Variants in PNPLA4 observed in about 807,000 individuals in gnomAD.
PNPLA4 encodes the protein patatin like domain 4, phospholipase and triacylglycerol lipase, also known as patatin-like phospholipase domain-containing protein 4.
Under a neutral mutation model 18.3 loss-of-function variants are expected in PNPLA4, and 15 were observed. The observed-to-expected ratio is 0.82, with a 90% CI of 0.55 to 1.26. The LOEUF (loss-of-function observed/expected upper bound fraction) is 1.26. PNPLA4 is among the 50% of genes most tolerant of loss of function. The pLI, the probability that PNPLA4 is intolerant of heterozygous loss-of-function variation, is 0.00. For synonymous variants in PNPLA4, 88 were observed against 85.6 expected, an observed-to-expected ratio of 1.03 and a Z score of -0.16; for missense variants, 229 against 196.8, an observed-to-expected ratio of 1.16 and a Z score of -0.98.
chrX:7,926,390 T>G (rs1456174656), intron 1 of PNPLA4, among the ~76,000 whole-genome samples: 3 of 112,622 alleles, frequency 2.7e-5, no homozygotes, highest in Non-Finnish European at 5.6e-5. Flanking sequence ...ACATAGATTA[T>G]GAATCTACGA....
chrX:7,922,069 G>A lies in PNPLA4; in HGVS notation c.210C>T (p.Ala70=), dbSNP rs199502967. 74 of 1,204,186 alleles carry A rather than the reference G, an allele frequency of 6.1e-5. No homozygotes were observed. Among genetic ancestry groups the A allele is most frequent in the Non-Finnish European group, 7.7e-5 (69 of 890,809 alleles). ...EECNQFTYKF[A]EEIRRQSFGA... ...CGAAAGACTGCCTTCTGATTTCTTC[G>A]GCAAACTTGTAGGTAAATTGGTTAC... is the stretch of plus-strand genomic sequence containing the variant. Residue 70 remains alanine (A), a synonymous_variant, in exon 3 of 7, where the codon GCC becomes GCT. Transcript: ENST00000381042.
intron 5 of PNPLA4, among the ~76,000 whole-genome samples, chrX:7,907,407 A>C (rs923378317): frequency 1.8e-5 from 2 of 112,409 alleles, no homozygotes; most frequent in Non-Finnish European, 3.8e-5. Context: ...TGCTAATTCT[A>C]TCTCTTAAAA....
At chrX:7,908,617 T>C (rs1230083089) in intron 5 of PNPLA4, among the ~76,000 whole-genome samples, 1 of 112,141 alleles carries the variant, frequency 8.9e-6, no homozygotes, top group East Asian at 2.8e-4. Flanking sequence ...TGTCCCTTTC[T>C]GGTGTTATAA....
Position 7,900,722 on chromosome X carries a change from A to G in PNPLA4, c.726T>C (p.Thr242=), listed in dbSNP as rs1373985925. The change falls in exon 7 of 7, where the codon ACT becomes ACC. Residue 242 remains threonine (T), a synonymous_variant. Coordinates refer to ENST00000381042, the MANE Select transcript of PNPLA4 (RefSeq NM_004650.3). ...AATTTTCTTTAAGTAAAAACTTAAC[A>G]GTGTCATCAAAACCACACTGATACA... ...ESLYQCGFDD[T]VKFLLKENWF... 1 of 1,180,622 alleles carries G rather than the reference A, an allele frequency of 8.5e-7. No homozygotes were observed. The highest frequency in any genetic ancestry group is 1.8e-5 in the African/African-American group (1 of 56,661).
intron 4 of PNPLA4, among the ~76,000 whole-genome samples, chrX:7,917,012 T>A (rs751336885): frequency 8.9e-6 from 1 of 112,357 alleles, no homozygotes; most frequent in Non-Finnish European, 1.9e-5. Flanking sequence ...AACAAAGGAA[T>A]GCCTTAAGGC....
chrX:7,901,352 C>T (rs1297835782), intron 6 of PNPLA4, among the ~76,000 whole-genome samples: 1 of 111,786 alleles, frequency 8.9e-6, no homozygotes, highest in Non-Finnish European at 1.9e-5. Flanking sequence ...GAGGCCGAGG[C>T]AGGTGGATCA....
At chrX:7,903,826 TAAAA>T (rs1378751920) in intron 5 of PNPLA4, among the ~76,000 whole-genome samples, 1 of 112,016 alleles carries the variant, frequency 8.9e-6, no homozygotes, top group Non-Finnish European at 1.9e-5. Flanking sequence ...TCATTATTTT[TAAAA>T]GATATAAAGA....
In PNPLA4 at chrX:7,916,065, A is replaced by G. The variant is rs539315963; in HGVS notation, c.412-3972T>C. Reference sequence around the variant, plus strand: ...TACCCTAGAGCATTCACACGTGTCAAAAGACCCTTTCGGAAAACACTTGTG... The same window carrying G: ...TACCCTAGAGCATTCACACGTGTCAGAAGACCCTTTCGGAAAACACTTGTG... On this transcript the variant is annotated intron_variant, in intron 4 of 6. Coordinates refer to ENST00000381042, the MANE Select transcript of PNPLA4 (RefSeq NM_004650.3). Among the ~76,000 whole-genome samples the G allele has an allele frequency of 1.4e-4, 16 of 111,803 alleles. No individual in the cohort carries two copies. In the South Asian group the frequency reaches 6.0e-3, roughly 42 times the overall value.
intron 2 of PNPLA4, among the ~76,000 whole-genome samples, chrX:7,922,887 C>G (rs1460848926): frequency 8.9e-6 from 1 of 111,845 alleles, no homozygotes; most frequent in African/African-American, 3.3e-5. Flanking sequence ...ATACAAAGAC[C>G]CTGTGCTCAT....
At chrX:7,904,214 C>A (rs1196336739) in intron 5 of PNPLA4, among the ~76,000 whole-genome samples, 1 of 112,213 alleles carries the variant, frequency 8.9e-6, no homozygotes, top group African/African-American at 3.2e-5. Flanking sequence ...TAAAGATATG[C>A]AACTTTAAGT....
intron 4 of PNPLA4, among the ~76,000 whole-genome samples, chrX:7,912,835 A>G (rs1194182111): frequency 8.9e-6 from 1 of 112,292 alleles, no homozygotes; most frequent in Non-Finnish European, 1.9e-5. Flanking sequence ...CTTTCAACTG[A>G]TAAGTGAAAG....
chrX:7,909,812 G>A (rs1370621285), intron 5 of PNPLA4, among the ~76,000 whole-genome samples: 3 of 110,996 alleles, frequency 2.7e-5, no homozygotes, highest in African/African-American at 9.9e-5. Context: ...ACAGTTATTC[G>A]GCTCACATGT....
intron 4 of PNPLA4, among the ~76,000 whole-genome samples, chrX:7,918,779 G>A (rs955176193): frequency 5.4e-5 from 6 of 111,344 alleles, no homozygotes; most frequent in South Asian, 3.9e-4. Flanking sequence ...TTCTTTCACC[G>A]GAACATATAT....
intron 5 of PNPLA4, among the ~76,000 whole-genome samples, chrX:7,911,658 C>T (rs1231558564): frequency 6.3e-5 from 7 of 110,974 alleles, no homozygotes; most frequent in Admixed American, 1.9e-4. Context: ...GCCGCATTGT[C>T]TGGGGGAGGA....
chrX:7,900,939 A>G (rs933686699), intron 6 of PNPLA4, 122 bp from the exon 7 acceptor site: 2 of 551,736 alleles, frequency 3.6e-6, no homozygotes, highest in African/African-American at 4.7e-5. Context: ...AATCAGTAGG[A>G]AAAATTTAAA....
At chrX:7,915,084 T>G (rs1440300415) in intron 4 of PNPLA4, among the ~76,000 whole-genome samples, 1 of 111,305 alleles carries the variant, frequency 9.0e-6, no homozygotes, top group Non-Finnish European at 1.9e-5. Flanking sequence ...TGCAGGCAAA[T>G]AGAATTTCCT....
At chrX:7,922,626 A>T (rs1348680602) in intron 2 of PNPLA4, among the ~76,000 whole-genome samples, 1 of 112,026 alleles carries the variant, frequency 8.9e-6, no homozygotes, top group African/African-American at 3.3e-5. Context: ...TCTACCCTGG[A>T]CTGGGATCCA....
At chrX:7,913,942 T>C (rs751302027) in intron 4 of PNPLA4, among the ~76,000 whole-genome samples, 1 of 112,747 alleles carries the variant, frequency 8.9e-6, no homozygotes, top group Non-Finnish European at 1.9e-5. Flanking sequence ...AGAGCCAACA[T>C]ACACGTCAGA....
At position 7,900,650 on chromosome X, in the gene PNPLA4, C is replaced by A. The variant is rs747099782; in HGVS notation, c.*36G>T. 3.0e-6 allele frequency: 3 copies of A among 1,016,848 alleles called. No individual in the cohort carries two copies. The highest frequency in any genetic ancestry group is 4.0e-6 in the Non-Finnish European group (3 of 748,866). 83.8% of individuals were successfully genotyped at this position (1,016,848 alleles called of 1,213,427 possible). ...ATTAGAAACTTCCATCAAAAACTATCTAAAACGTGTTTTGCATTATAAACT... is the reference window on the plus strand; with the variant it reads ...ATTAGAAACTTCCATCAAAAACTATATAAAACGTGTTTTGCATTATAAACT... On this transcript the variant is annotated 3_prime_UTR_variant, in exon 7 of 7. Coordinates refer to ENST00000381042, the MANE Select transcript of PNPLA4 (RefSeq NM_004650.3).
Sources: allele counts gnomAD v4.1 joint callset (sites outside exome capture counted in the v4.1 genomes callset), GRCh38; gene constraint gnomAD v4.1.1; transcripts MANE v1.5; gene names NCBI Gene and HGNC (gene_info 2026-07-23, HGNC 2026-07-21).